The following MYRIP variants were observed in gnomAD, a reference collection of about 807,000 sequenced individuals.
MYRIP encodes the protein rab effector MyRIP.
In MYRIP, 49 loss-of-function variants were observed where a neutral mutation model predicts 98.0. That is an observed-to-expected ratio of 0.50 (90% CI 0.40 to 0.63). The LOEUF (loss-of-function observed/expected upper bound fraction) is 0.63, where lower values mean the gene tolerates loss of function less well. Among genes scored for constraint, MYRIP ranks in the 30% least tolerant of loss-of-function variants. The probability of loss-of-function intolerance (pLI) is 0.00; values close to 1 mark genes in which losing one functional copy is unlikely to be tolerated. For missense variants in MYRIP, 1,004 were observed against 1,058.2 expected, an observed-to-expected ratio of 0.95 and a Z score of 0.71; for synonymous variants, 404 against 409.5, an observed-to-expected ratio of 0.99 and a Z score of 0.16.
chr3:40,105,663 G>GT (rs1949037971), intron 3 of MYRIP, among the ~76,000 whole-genome samples: 1 of 152,098 alleles, frequency 6.6e-6, no homozygotes, highest in Admixed American at 6.6e-5. Flanking sequence ...AAGGAAAGAG[G>GT]TTTAATTGAC....
chr3:39,815,281 A>G (rs1206511380), intron 1 of MYRIP, among the ~76,000 whole-genome samples: 1 of 152,204 alleles, frequency 6.6e-6, no homozygotes, highest in African/African-American at 2.4e-5. Context: ...ATACAATAAT[A>G]CAGTATGTGG....
chr3:40,134,230 G>T (rs1949711068), intron 3 of MYRIP, among the ~76,000 whole-genome samples: 1 of 152,250 alleles, frequency 6.6e-6, no homozygotes, highest in African/African-American at 2.4e-5. Flanking sequence ...CACACCAGGA[G>T]ATTATATCCC....
At chr3:40,046,216 A>AT (rs1947665586) in intron 3 of MYRIP, among the ~76,000 whole-genome samples, 1 of 152,110 alleles carries the variant, frequency 6.6e-6, no homozygotes, top group Non-Finnish European at 1.5e-5. Context: ...TGTGAGAGAC[A>AT]TAAGGAGTTG....
rs571492406 is a variant in MYRIP, at chr3:40,033,966, T to C, written c.111-10084T>C. 2.5e-4 allele frequency among the ~76,000 whole-genome samples: 38 copies of C among 152,094 alleles called. No individual in the cohort carries two copies. The South Asian group carries it at 7.9e-3, about 32-fold the overall frequency. On this transcript the variant is annotated intron_variant, in intron 2 of 16. Coordinates refer to ENST00000302541, the MANE Select transcript of MYRIP (RefSeq NM_015460.4). ...TGACAAACCTGAGAAAAACAAGCAA[T>C]GGGGAAAGGATTCCCTATTTAATAA...
intron 11 of MYRIP, among the ~76,000 whole-genome samples, chr3:40,232,536 A>G (rs930962378): frequency 1.3e-5 from 2 of 152,342 alleles, no homozygotes; most frequent in Non-Finnish European, 2.9e-5. Context: ...GTACCTTGGG[A>G]AGGCATATCT....
chr3:39,885,620 G>A (rs375534087), intron 1 of MYRIP, among the ~76,000 whole-genome samples: 2 of 151,898 alleles, frequency 1.3e-5, no homozygotes, highest in African/African-American at 2.4e-5. Flanking sequence ...TCTCCCCGTC[G>A]CTTTCAGGTA....
intron 10 of MYRIP, among the ~76,000 whole-genome samples, chr3:40,194,666 T>G (rs1951340571): frequency 6.6e-6 from 1 of 152,194 alleles, no homozygotes; most frequent in Admixed American, 6.5e-5. Flanking sequence ...TCAGAATAAT[T>G]GATATCTCTG....
chr3:40,124,782 G>A lies in MYRIP; in HGVS notation c.333-26266G>A, dbSNP rs533369250. ...AGCTGGGGAAGGGCAGCTAGGATCT[G>A]CACATAAACCCCCACCTGGCATGGC... On this transcript the variant is annotated intron_variant, in intron 3 of 16. Transcript: ENST00000302541. Among the ~76,000 whole-genome samples the A allele has an allele frequency of 3.9e-5, 6 of 152,290 alleles. No individual in the cohort carries two copies. In the East Asian group the frequency reaches 9.7e-4, roughly 25 times the overall value.
At chr3:40,061,281 G>A (rs764005133) in intron 3 of MYRIP, among the ~76,000 whole-genome samples, 12 of 152,110 alleles carry the variant, frequency 7.9e-5, no homozygotes, top group East Asian at 1.9e-4. Flanking sequence ...TCCCTTCCTC[G>A]TGTTCATGAG....
chr3:39,912,229 G>A (rs528543694), intron 2 of MYRIP, among the ~76,000 whole-genome samples: 1 of 152,254 alleles, frequency 6.6e-6, no homozygotes, highest in South Asian at 2.1e-4. Context: ...ACCTCAGGCT[G>A]GAAGAGACTA....
intron 3 of MYRIP, among the ~76,000 whole-genome samples, chr3:40,110,173 G>A (rs1447041236): frequency 6.6e-6 from 1 of 152,206 alleles, no homozygotes; most frequent in Non-Finnish European, 1.5e-5. Context: ...GGAATGGAGT[G>A]GGAAGAATTC....
At chr3:39,914,505 C>A (rs1944106205) in intron 2 of MYRIP, among the ~76,000 whole-genome samples, 1 of 151,836 alleles carries the variant, frequency 6.6e-6, no homozygotes, top group Non-Finnish European at 1.5e-5. Flanking sequence ...ATAATATAGT[C>A]AAAAAAAGCT....
At chr3:40,169,637 A>G (rs1417811408) in intron 7 of MYRIP, among the ~76,000 whole-genome samples, 1 of 152,232 alleles carries the variant, frequency 6.6e-6, no homozygotes, top group Non-Finnish European at 1.5e-5. Context: ...GAATTAGAAT[A>G]TGTACCTTCC....
chr3:40,188,928 C>T (rs2125627700), intron 9 of MYRIP, among the ~76,000 whole-genome samples: 1 of 152,320 alleles, frequency 6.6e-6, no homozygotes. Context: ...TTAAACAAGA[C>T]AAAACAACTT....
intron 2 of MYRIP, among the ~76,000 whole-genome samples, chr3:39,947,386 G>A (rs1270807040): frequency 6.6e-6 from 1 of 151,848 alleles, no homozygotes; most frequent in Non-Finnish European, 1.5e-5. Context: ...TGAAAAAAAT[G>A]AATAAAATAC....
intron 13 of MYRIP, among the ~76,000 whole-genome samples, chr3:40,248,742 T>G (rs1953280453): frequency 6.6e-6 from 1 of 152,232 alleles, no homozygotes; most frequent in Admixed American, 6.5e-5. Context: ...TGCTTATGAC[T>G]GGTAAAAGCT....
intron 2 of MYRIP, among the ~76,000 whole-genome samples, chr3:39,929,851 G>A (rs1415305800): frequency 1.3e-5 from 2 of 151,878 alleles, no homozygotes; most frequent in African/African-American, 4.8e-5. Flanking sequence ...TTTGTGTAGG[G>A]CTTTTTCAAC....
chr3:40,041,142 G>C (rs1947520958), intron 2 of MYRIP, among the ~76,000 whole-genome samples: 1 of 142,664 alleles, frequency 7.0e-6, no homozygotes, highest in South Asian at 2.3e-4. Flanking sequence ...GTTTTTCTTT[G>C]TATGTAGAAT....
intron 11 of MYRIP, chr3:40,232,771 C>T (rs574883131): frequency 9.2e-5 from 14 of 152,274 alleles, no homozygotes; most frequent in African/African-American, 3.4e-4. Flanking sequence ...ATGACATTGG[C>T]CCAAATCCGG....
Sources: gnomAD v4.1 joint callset for allele counts (sites outside exome capture counted in the v4.1 genomes callset) on GRCh38, gnomAD v4.1.1 for gene constraint, MANE v1.5 for transcripts, NCBI Gene and HGNC (gene_info 2026-07-23, HGNC 2026-07-21) for gene names.